Variants in GFOD1 observed in about 807,000 individuals in gnomAD.
GFOD1 encodes the protein Gfo/Idh/MocA-like oxidoreductase domain containing 1.
In GFOD1, 9 loss-of-function variants were observed where a neutral mutation model predicts 25.4. The observed-to-expected ratio is 0.35, with a 90% CI of 0.21 to 0.62. GFOD1 has a LOEUF of 0.62. Ranked by LOEUF, GFOD1 falls within the 20% of genes least tolerant of loss-of-function variation. The pLI, the probability that GFOD1 is intolerant of heterozygous loss-of-function variation, is 0.72. For synonymous variants in GFOD1, 253 were observed against 245.6 expected (o/e 1.03, Z -0.28); for missense variants, 403 against 556.9 (o/e 0.72, Z 2.78).
intron 1 of GFOD1, among the ~76,000 whole-genome samples, chr6:13,386,272 G>A (rs1198859447): frequency 1.3e-5 from 2 of 152,076 alleles, no homozygotes; most frequent in African/African-American, 4.8e-5. Context: ...GGATCATGAT[G>A]TCGAGTTGTT....
At chr6:13,477,648 TTAA>T (rs141229999) in intron 1 of GFOD1, among the ~76,000 whole-genome samples, 2 of 152,102 alleles carry the variant, frequency 1.3e-5, no homozygotes, top group South Asian at 4.1e-4. Flanking sequence ...TAATAATAAT[TTAA>T]TAATAATAAC....
At chr6:13,423,102 T>G (rs768128050) in intron 1 of GFOD1, among the ~76,000 whole-genome samples, 1 of 152,124 alleles carries the variant, frequency 6.6e-6, no homozygotes, top group Non-Finnish European at 1.5e-5. Context: ...ACTGAACACA[T>G]TCTTGAAAAC....
chr6:13,432,039 C>G lies in GFOD1; in HGVS notation c.253+54599G>C, dbSNP rs1284742562. 2.0e-5 allele frequency among the ~76,000 whole-genome samples: 3 copies of G among 152,088 alleles called. No homozygotes were observed. In the East Asian group the frequency reaches 5.8e-4, roughly 29 times the overall value. On this transcript the variant is annotated intron_variant, in intron 1 of 1. Transcript: ENST00000379287. ...CAGGGAGGAGAGGGTTCTCATTCCC[C>G]GGTGACTCAGCCCCAGCAAGGCCCA...
At chr6:13,393,780 C>CTTTTTTTTTTTT (rs70989854) in intron 1 of GFOD1, among the ~76,000 whole-genome samples, 13 of 120,288 alleles carry the variant, frequency 1.1e-4, no homozygotes, top group East Asian at 2.3e-4. Context: ...TTTTTCTTTT[C>CTTTTTTTTTTTT]TTTTTTTTTT....
chr6:13,486,929 C>A lies in GFOD1; in HGVS notation c.-39G>T, dbSNP rs772469287. ...CGCCTGGTTCTGCTTCTGCTCGGAT[C>A]TCCAGTCCAACGCGCGCACACACCC... is the stretch of plus-strand genomic sequence containing the variant. On this transcript the variant is annotated 5_prime_UTR_variant, in exon 1 of 2. Transcript: ENST00000379287. 1 of 1,590,926 alleles carries A rather than the reference C, an allele frequency of 6.3e-7. No homozygotes were observed. Among genetic ancestry groups the A allele is most frequent in the East Asian group, 2.2e-5 (1 of 44,780 alleles).
chr6:13,404,315 T>G (rs573426463), intron 1 of GFOD1, among the ~76,000 whole-genome samples: 1 of 152,312 alleles, frequency 6.6e-6, no homozygotes, highest in Non-Finnish European at 1.5e-5. Context: ...CAGCCCCTTC[T>G]TAGAACTGAG....
intron 1 of GFOD1, among the ~76,000 whole-genome samples, chr6:13,424,818 G>T (rs1423383409): frequency 1.3e-5 from 2 of 151,928 alleles, no homozygotes; most frequent in Non-Finnish European, 2.9e-5. Flanking sequence ...CCAATCTAGA[G>T]AACTTCTCAT....
intron 1 of GFOD1, among the ~76,000 whole-genome samples, chr6:13,410,490 C>A (rs1056796059): frequency 1.3e-5 from 2 of 151,000 alleles, no homozygotes; most frequent in Non-Finnish European, 1.5e-5. Context: ...TTGCTTGAAC[C>A]CAGGAGGCAG....
intron 1 of GFOD1, among the ~76,000 whole-genome samples, chr6:13,396,416 G>A (rs1785733415): frequency 6.6e-6 from 1 of 152,206 alleles, no homozygotes; most frequent in African/African-American, 2.4e-5. Flanking sequence ...GAGTTACAGA[G>A]AGCTGTGCCC....
chr6:13,474,674 C>T (rs1325449760), intron 1 of GFOD1, among the ~76,000 whole-genome samples: 2 of 152,188 alleles, frequency 1.3e-5, no homozygotes, highest in African/African-American at 4.8e-5. Flanking sequence ...CCACAGCTAA[C>T]ATAGTGCTAC....
chr6:13,468,307 T>C (rs912369268), intron 1 of GFOD1, among the ~76,000 whole-genome samples: 4 of 152,206 alleles, frequency 2.6e-5, no homozygotes, highest in African/African-American at 4.8e-5. Context: ...CCTATATTGC[T>C]AGTCTTCCTA....
chr6:13,446,030 A>G (rs1485359497), intron 1 of GFOD1, among the ~76,000 whole-genome samples: 4 of 152,212 alleles, frequency 2.6e-5, no homozygotes, highest in Non-Finnish European at 5.9e-5. Flanking sequence ...GAAAAAAATG[A>G]TGCTGGCAGG....
chr6:13,457,156 A>G (rs1344083603), intron 1 of GFOD1, among the ~76,000 whole-genome samples: 2 of 152,226 alleles, frequency 1.3e-5, no homozygotes, highest in Non-Finnish European at 2.9e-5. Context: ...TAACCTTCCC[A>G]GAAAACAATC....
chr6:13,479,303 T>C (rs180834611), intron 1 of GFOD1, among the ~76,000 whole-genome samples: 114 of 152,278 alleles, frequency 7.5e-4, no homozygotes, highest in African/African-American at 2.6e-3. Flanking sequence ...GGTCTTTATA[T>C]TTTCCCTCTC....
chr6:13,459,780 C>T (rs1758260234), intron 1 of GFOD1, among the ~76,000 whole-genome samples: 1 of 152,158 alleles, frequency 6.6e-6, no homozygotes, highest in Admixed American at 6.5e-5. Context: ...TAGAGAAATG[C>T]AAATCAAAAC....
At chr6:13,456,947 C>T (rs1241191776) in intron 1 of GFOD1, among the ~76,000 whole-genome samples, 7 of 152,126 alleles carry the variant, frequency 4.6e-5, no homozygotes, top group Admixed American at 2.6e-4. Flanking sequence ...CTTCACAACT[C>T]GGGGGCACCT....
At position 13,394,211 on chromosome 6, in the gene GFOD1, C is replaced by A. The variant is rs1232858131; in HGVS notation, c.254-28549G>T. The stretch of plus-strand genomic sequence containing the variant: ...ATAATTTTATATAAAATTTGTACTT[C>A]AGATGAAAAAATGAGAAAGTTCTTC... On this transcript the variant is annotated intron_variant, in intron 1 of 1. Coordinates refer to ENST00000379287, the MANE Select transcript of GFOD1 (RefSeq NM_018988.4). 4.6e-5 allele frequency among the ~76,000 whole-genome samples: 7 copies of A among 151,988 alleles called. 1 individual carries two copies. The highest frequency in any genetic ancestry group is 4.6e-4 in the Admixed American group (7 of 15,260).
intron 1 of GFOD1, among the ~76,000 whole-genome samples, chr6:13,431,355 A>C (rs985038262): frequency 6.6e-6 from 1 of 152,226 alleles, no homozygotes. Flanking sequence ...GTCTGAGTCA[A>C]GATTCCATCC....
intron 1 of GFOD1, chr6:13,469,438 A>G (rs572403800): frequency 1.0e-6 from 1 of 985,784 alleles, no homozygotes; most frequent in East Asian, 1.1e-4. Flanking sequence ...GAATTAGATG[A>G]TGCAAGTTCC....
Sources: allele counts gnomAD v4.1 joint callset (sites outside exome capture counted in the v4.1 genomes callset), GRCh38; gene constraint gnomAD v4.1.1; transcripts MANE v1.5; gene names NCBI Gene and HGNC (gene_info 2026-07-23, HGNC 2026-07-21).